The following SLC7A14 variants were observed in gnomAD, a reference collection of about 807,000 sequenced individuals.
SLC7A14 encodes solute carrier family 7 member 14.
Under a neutral mutation model 60.2 loss-of-function variants are expected in SLC7A14, and 37 were observed. The ratio of observed to expected loss-of-function variants is 0.61; its 90% CI spans 0.47 to 0.81. The LOEUF is 0.81. Ranked by LOEUF, SLC7A14 falls within the 30% of genes least tolerant of loss-of-function variation. SLC7A14 has a pLI of 0.00. For missense variants in SLC7A14, 886 were observed against 982.7 expected (o/e 0.90, Z 1.32); for synonymous variants, 399 against 395.8 (o/e 1.01, Z -0.10).
Position 170,574,913 on chromosome 3 carries a change from C to T in SLC7A14, c.-153+10998G>A, listed in dbSNP as rs1393232162. Among the ~76,000 whole-genome samples, 11 of 152,338 alleles carry T rather than the reference C, an allele frequency of 7.2e-5. No homozygotes were observed. The South Asian group carries it at 2.3e-3, about 32-fold the overall frequency. ...AACCTGGGCAAGTGGCTTCACCTCT[C>T]TGGGTCTCAGTTTCTATTCTCATCA... On this transcript the variant is annotated intron_variant, in intron 1 of 7. Coordinates refer to ENST00000231706, the MANE Select transcript of SLC7A14 (RefSeq NM_020949.3).
intron 1 of SLC7A14, among the ~76,000 whole-genome samples, chr3:170,536,269 CTAAGAGACCG>C (rs1427116337): frequency 3.3e-5 from 5 of 152,098 alleles, no homozygotes; most frequent in Non-Finnish European, 7.4e-5. Context: ...CCAAATATAG[CTAAGAGACCG>C]TAAGAGACTT....
At chr3:170,556,561 G>T (rs1714490033) in intron 1 of SLC7A14, among the ~76,000 whole-genome samples, 1 of 152,134 alleles carries the variant, frequency 6.6e-6, no homozygotes, top group Admixed American at 6.5e-5. Flanking sequence ...TTATTGTAAG[G>T]TATATCTCAG....
At chr3:170,574,911 C>T (rs1407865636) in intron 1 of SLC7A14, among the ~76,000 whole-genome samples, 1 of 152,214 alleles carries the variant, frequency 6.6e-6, no homozygotes, top group East Asian at 1.9e-4. Context: ...GGCTTCACCT[C>T]TCTGGGTCTC....
intron 2 of SLC7A14, among the ~76,000 whole-genome samples, chr3:170,516,558 CA>C (rs11414998): frequency 3.5e-4 from 51 of 145,424 alleles, no homozygotes; most frequent in African/African-American, 1.2e-3. Flanking sequence ...CCTGTCTCTA[CA>C]AAAAAAAAAT....
At chr3:170,547,918 T>C (rs939055379) in intron 1 of SLC7A14, among the ~76,000 whole-genome samples, 2 of 152,168 alleles carry the variant, frequency 1.3e-5, no homozygotes, top group African/African-American at 4.8e-5. Context: ...ACGGTGGACA[T>C]ATATTTTGCA....
In SLC7A14 at chr3:170,461,984, A is replaced by G. The variant is rs12633223; in HGVS notation, c.*5071T>C. 55,326 of 152,006 alleles carry G rather than the reference A, an allele frequency of 0.36. 11,583 individuals carry two copies. The highest frequency in any genetic ancestry group is 0.48 in the Non-Finnish European group (32,337 of 67,934). The allele number at this position is 152,006 out of a possible 1,614,324, so 9.4% of individuals were successfully genotyped here. On this transcript the variant is annotated 3_prime_UTR_variant, in exon 8 of 8. Coordinates refer to ENST00000231706, the MANE Select transcript of SLC7A14 (RefSeq NM_020949.3). Reference sequence around the variant, plus strand: ...TGGAAGTTAGGGACACCTCTGCACTACTCACTGACCTGAGGTTTATACTCC... The same window carrying G: ...TGGAAGTTAGGGACACCTCTGCACTGCTCACTGACCTGAGGTTTATACTCC...
chr3:170,546,401 GT>G (rs200837406), intron 1 of SLC7A14, among the ~76,000 whole-genome samples: 1,992 of 152,252 alleles, frequency 0.013, 44 homozygotes, highest in African/African-American at 0.046. Flanking sequence ...CCTGGACTTG[GT>G]AGGTCTCAAT....
chr3:170,564,055 A>G (rs1714731413), intron 1 of SLC7A14, among the ~76,000 whole-genome samples: 1 of 152,052 alleles, frequency 6.6e-6, no homozygotes, highest in African/African-American at 2.4e-5. Context: ...TCCCCATTTC[A>G]CTTTTGAGTC....
chr3:170,528,770 C>G (rs1713586648), intron 1 of SLC7A14, among the ~76,000 whole-genome samples: 1 of 152,188 alleles, frequency 6.6e-6, no homozygotes, highest in Non-Finnish European at 1.5e-5. Flanking sequence ...TTCCACGTCC[C>G]CTTCCTCCTC....
chr3:170,571,133 A>T (rs1714944075), intron 1 of SLC7A14, among the ~76,000 whole-genome samples: 1 of 151,900 alleles, frequency 6.6e-6, no homozygotes. Flanking sequence ...TCCTTTCAAA[A>T]CCCCCATTCT....
chr3:170,509,811 G>T (rs1050644878), intron 2 of SLC7A14, among the ~76,000 whole-genome samples: 46 of 150,470 alleles, frequency 3.1e-4, no homozygotes, highest in Admixed American at 1.5e-3. Flanking sequence ...GGGCGTGGTG[G>T]TGCATGCCCG....
intron 1 of SLC7A14, among the ~76,000 whole-genome samples, chr3:170,567,948 T>C (rs758287103): frequency 4.5e-4 from 69 of 151,910 alleles, no homozygotes; most frequent in Non-Finnish European, 8.8e-4. Context: ...TTTTCTCCCA[T>C]TTTGTAGGTT....
At chr3:170,567,947 AT>A (rs1361556759) in intron 1 of SLC7A14, among the ~76,000 whole-genome samples, 13 of 151,536 alleles carry the variant, frequency 8.6e-5, no homozygotes, top group Non-Finnish European at 1.6e-4. Flanking sequence ...ATTTTCTCCC[AT>A]TTTGTAGGTT....
intron 1 of SLC7A14, among the ~76,000 whole-genome samples, chr3:170,560,514 G>C (rs1714617715): frequency 6.6e-6 from 1 of 152,134 alleles, no homozygotes; most frequent in Non-Finnish European, 1.5e-5. Flanking sequence ...AGTCATCAGA[G>C]AGATACAAAT....
chr3:170,572,622 A>G (rs574835592), intron 1 of SLC7A14, among the ~76,000 whole-genome samples: 133 of 152,336 alleles, frequency 8.7e-4, no homozygotes, highest in Non-Finnish European at 1.4e-3. Flanking sequence ...AGGTTGAAAT[A>G]GACTTGGGGG....
chr3:170,492,259 C>T (rs74353729), intron 4 of SLC7A14, among the ~76,000 whole-genome samples: 2,082 of 152,160 alleles, frequency 0.014, 66 homozygotes, highest in African/African-American at 0.048. Context: ...TATGTGTGTT[C>T]GTGTGCAAGT....
intron 1 of SLC7A14, among the ~76,000 whole-genome samples, chr3:170,545,546 A>G (rs1476595215): frequency 2.0e-5 from 3 of 152,176 alleles, no homozygotes; most frequent in Admixed American, 6.5e-5. Context: ...CATTCTTAAC[A>G]TCCTTAAGAC....
chr3:170,509,368 G>A (rs1040549873), intron 2 of SLC7A14, among the ~76,000 whole-genome samples: 1 of 152,168 alleles, frequency 6.6e-6, no homozygotes, highest in African/African-American at 2.4e-5. Flanking sequence ...TCCAATTAAA[G>A]TTGGGTAGGG....
chr3:170,543,947 A>G (rs967579031), intron 1 of SLC7A14, among the ~76,000 whole-genome samples: 1 of 151,694 alleles, frequency 6.6e-6, no homozygotes, highest in African/African-American at 2.4e-5. Context: ...ACAGGGTTTC[A>G]CTATGTTGGC....
Sources: allele counts gnomAD v4.1 joint callset (sites outside exome capture counted in the v4.1 genomes callset), GRCh38; gene constraint gnomAD v4.1.1; transcripts MANE v1.5; gene names NCBI Gene and HGNC (gene_info 2026-07-23, HGNC 2026-07-21).